Variants in SEPTIN9 observed in about 807,000 individuals in gnomAD.
SEPTIN9 encodes the protein septin-9.
Under a neutral mutation model 56.6 loss-of-function variants are expected in SEPTIN9, and 13 were observed. That is an observed-to-expected ratio of 0.23 (90% CI 0.15 to 0.37). The LOEUF (loss-of-function observed/expected upper bound fraction) is 0.37. SEPTIN9 is among the 10% of genes least tolerant of loss of function. SEPTIN9 has a pLI of 1.00. For missense variants in SEPTIN9, 650 were observed against 823.1 expected, an observed-to-expected ratio of 0.79 and a Z score of 2.57; for synonymous variants, 332 against 334.1, an observed-to-expected ratio of 0.99 and a Z score of 0.07.
chr17:77,489,478 CCCCCTG>C (rs1371461245), intron 7 of SEPTIN9, among the ~76,000 whole-genome samples: 6 of 152,190 alleles, frequency 3.9e-5, no homozygotes, highest in Admixed American at 3.3e-4. Context: ...TCCCTGTGCA[CCCCCTG>C]CCAGACACCT....
chr17:77,291,216 A>T (rs1432981768), intron 1 of SEPTIN9, among the ~76,000 whole-genome samples: 1 of 150,924 alleles, frequency 6.6e-6, no homozygotes, highest in African/African-American at 2.4e-5. Flanking sequence ...TTGTATTTTT[A>T]GTAGGGACGG....
At chr17:77,302,957 C>T (rs944675041) in intron 1 of SEPTIN9, among the ~76,000 whole-genome samples, 5 of 152,106 alleles carry the variant, frequency 3.3e-5, no homozygotes, top group South Asian at 2.1e-4. Context: ...CAGGGAGCCC[C>T]GCTCGTCTCC....
Position 77,451,613 on chromosome 17 carries a change from T to C in SEPTIN9, c.722-30531T>C. ...GGCGCGGCCGCGAGGCGGACCCTGA[T>C]GGCCATGGTGGCGGTGCCGGGAGCC... On this transcript the variant is annotated intron_variant, in intron 3 of 11. Coordinates refer to ENST00000427177, the MANE Select transcript of SEPTIN9 (RefSeq NM_001113491.2). The surrounding 1 kb of genome is among the most constrained non-coding windows in gnomAD (Gnocchi z 4.2). The C allele has an allele frequency of 1.1e-6, 1 of 932,400 alleles. No homozygotes were observed. Among genetic ancestry groups the C allele is most frequent in the Non-Finnish European group, 1.3e-6 (1 of 781,660 alleles). The allele number at this position is 932,400 out of a possible 1,614,324, so 57.8% of individuals were successfully genotyped here.
chr17:77,405,237 G>A lies in SEPTIN9; in HGVS notation c.721+2534G>A. On this transcript the variant is annotated intron_variant, in intron 3 of 11. Transcript: ENST00000427177. This position sits in a 1 kb window ranked among gnomAD's most constrained non-coding sequence, Gnocchi z 5.8. ...GTGCCAGAGACTGTGCCGGGAGCCA[G>A]GCCCAGGGACACAACCTGCGGGCTC... is the stretch of plus-strand genomic sequence containing the variant. 1.9e-6 allele frequency: 2 copies of A among 1,078,790 alleles called. No individual in the cohort carries two copies. The highest frequency in any genetic ancestry group is 2.7e-6 in the Non-Finnish European group (2 of 753,488). 66.8% of individuals were successfully genotyped at this position (1,078,790 alleles called of 1,614,324 possible).
intron 3 of SEPTIN9, among the ~76,000 whole-genome samples, chr17:77,459,912 G>A (rs2038384765): frequency 6.6e-6 from 1 of 152,106 alleles, no homozygotes; most frequent in African/African-American, 2.4e-5. Context: ...TCCTAACCTT[G>A]TGATCCACCC....
At chr17:77,410,941 G>C (rs989380412) in intron 3 of SEPTIN9, among the ~76,000 whole-genome samples, 1 of 152,000 alleles carries the variant, frequency 6.6e-6, no homozygotes, top group South Asian at 2.1e-4. Context: ...AATGCACGAC[G>C]GGGCGTGGTG....
At chr17:77,353,399 T>C (rs1598238723) in intron 2 of SEPTIN9, among the ~76,000 whole-genome samples, 1 of 152,278 alleles carries the variant, frequency 6.6e-6, no homozygotes, top group Admixed American at 6.5e-5. Context: ...AGAGCTTGAC[T>C]CTTTACAGAA....
rs1431648079 is a variant in SEPTIN9, at chr17:77,498,729, C to G, written c.*71C>G. 13 of 905,740 alleles carry G rather than the reference C, an allele frequency of 1.4e-5. No individual in the cohort carries two copies. Among genetic ancestry groups the G allele is most frequent in the Non-Finnish European group, 2.3e-5 (13 of 570,652 alleles). The allele number at this position is 905,740 out of a possible 1,614,324, so 56.1% of individuals were successfully genotyped here. On this transcript the variant is annotated 3_prime_UTR_variant, in exon 12 of 12. Coordinates refer to ENST00000427177, the MANE Select transcript of SEPTIN9 (RefSeq NM_001113491.2). The stretch of plus-strand genomic sequence containing the variant: ...GTCCCCCCCCAGGCCCTCCCACCAC[C>G]CCATTTTATTTTATATGATTTTCTC...
chr17:77,328,472 TC>T (rs1182992179), intron 2 of SEPTIN9, among the ~76,000 whole-genome samples: 3 of 152,178 alleles, frequency 2.0e-5, no homozygotes, highest in African/African-American at 7.2e-5. Context: ...TTCAAGCGAT[TC>T]TCCTGCCTCA....
rs989202343 is a variant in SEPTIN9, at chr17:77,367,966, C to G, written c.77-34093C>G. Among the ~76,000 whole-genome samples the G allele has an allele frequency of 6.6e-6, 1 of 152,244 alleles. No homozygotes were observed. Among genetic ancestry groups the G allele is most frequent in the Non-Finnish European group, 1.5e-5 (1 of 68,046 alleles). ...TGGATATACAAAGTGTGTGTACACACAGTGGAATATCATTCAGCCTTCAAA... is the reference window on the plus strand; with the variant it reads ...TGGATATACAAAGTGTGTGTACACAGAGTGGAATATCATTCAGCCTTCAAA... On this transcript the variant is annotated intron_variant, in intron 2 of 11. Coordinates refer to ENST00000427177, the MANE Select transcript of SEPTIN9 (RefSeq NM_001113491.2). This position sits in a 1 kb window ranked among gnomAD's most constrained non-coding sequence, Gnocchi z 4.5.
Position 77,310,228 on chromosome 17 carries a change from T to C in SEPTIN9, c.76+3031T>C, listed in dbSNP as rs11870518. On this transcript the variant is annotated intron_variant, in intron 2 of 11. Coordinates refer to ENST00000427177, the MANE Select transcript of SEPTIN9 (RefSeq NM_001113491.2). This position sits in a 1 kb window ranked among gnomAD's most constrained non-coding sequence, Gnocchi z 4.7. ...TACCCCTGACCTCAGGTGATCCACC[T>C]GCCTTGGCCTCCCAAAGTGCTGGGA... Among the ~76,000 whole-genome samples, 9,068 of 152,172 alleles carry C rather than the reference T, an allele frequency of 0.06. 871 individuals carry two copies. The highest frequency in any genetic ancestry group is 0.2 in the African/African-American group (8,476 of 41,482).
rs192769095 is a variant in SEPTIN9 at position 77,284,060 on chromosome 17, A to G, written c.19+2506A>G. ...GAAGTCTTGAGTAGTGGAGAATAAA[A>G]AGGGACTTGGCCAGGTGCGCTTGAA... On this transcript the variant is annotated intron_variant, in intron 1 of 11. Transcript: ENST00000427177. Among the ~76,000 whole-genome samples the G allele has an allele frequency of 1.0e-4, 15 of 150,724 alleles. No homozygotes were observed. In the East Asian group the frequency reaches 2.9e-3, roughly 29 times the overall value.
At chr17:77,364,492 T>G (rs904320156) in intron 2 of SEPTIN9, among the ~76,000 whole-genome samples, 5 of 152,232 alleles carry the variant, frequency 3.3e-5, no homozygotes, top group Non-Finnish European at 1.5e-5. Flanking sequence ...CACTGGAGCC[T>G]CTTTGGAGTG....
In SEPTIN9 at chr17:77,321,133, G is replaced by A. The variant is rs577143273; in HGVS notation, c.76+13936G>A. ...ATTAGCAGTGATGACAGTTTCTGCC[G>A]CTCATGCCGCCCTCTGAGCCCAGCG... is the stretch of plus-strand genomic sequence containing the variant. On this transcript the variant is annotated intron_variant, in intron 2 of 11. Transcript: ENST00000427177. Among the ~76,000 whole-genome samples, 150 of 152,334 alleles carry A rather than the reference G, an allele frequency of 9.8e-4. 4 individuals are homozygous for A. In the South Asian group the frequency reaches 0.029, roughly 29 times the overall value.
At chr17:77,293,933 G>A (rs780264198) in intron 1 of SEPTIN9, among the ~76,000 whole-genome samples, 2 of 151,668 alleles carry the variant, frequency 1.3e-5, no homozygotes, top group Non-Finnish European at 2.9e-5. Flanking sequence ...GCGAAACCCC[G>A]TCTCTACTAA....
chr17:77,472,104 A>G (rs2039023580), intron 3 of SEPTIN9, among the ~76,000 whole-genome samples: 2 of 152,084 alleles, frequency 1.3e-5, no homozygotes, highest in Admixed American at 6.5e-5. Context: ...CCCAAGATTG[A>G]TGTCTCAATA....
At position 77,318,511 on chromosome 17, in the gene SEPTIN9, G is replaced by A. The variant is rs1315541316; in HGVS notation, c.76+11314G>A. 6.6e-6 allele frequency among the ~76,000 whole-genome samples: 1 copy of A among 152,116 alleles called. No homozygotes were observed. The highest frequency in any genetic ancestry group is 2.4e-5 in the African/African-American group (1 of 41,412). On this transcript the variant is annotated intron_variant, in intron 2 of 11. Coordinates refer to ENST00000427177, the MANE Select transcript of SEPTIN9 (RefSeq NM_001113491.2). The surrounding 1 kb of genome is among the most constrained non-coding windows in gnomAD (Gnocchi z 4.9). ...ATGCTATCCCTGGGGCCATTATTCA[G>A]CCTTCTCTCGTGACTATGATCCCTC...
At chr17:77,343,003 G>GTCTGTCTATCTATCTA (rs71160228) in intron 2 of SEPTIN9, among the ~76,000 whole-genome samples, 5,321 of 147,168 alleles carry the variant, frequency 0.036, 127 homozygotes, top group East Asian at 0.081. Flanking sequence ...CTGTCTGTCT[G>GTCTGTCTATCTATCTA]TCTATCTATC....
chr17:77,306,384 C>T (rs879631436), intron 1 of SEPTIN9, among the ~76,000 whole-genome samples: 7 of 152,202 alleles, frequency 4.6e-5, no homozygotes, highest in Non-Finnish European at 7.3e-5. Context: ...GCCTGTGCTC[C>T]CAGGGCCGCT....
Sources: allele counts gnomAD v4.1 joint callset (sites outside exome capture counted in the v4.1 genomes callset), GRCh38; gene constraint gnomAD v4.1.1; non-coding constraint Gnocchi (gnomAD v3.1); transcripts MANE v1.5; gene names NCBI Gene and HGNC (gene_info 2026-07-23, HGNC 2026-07-21).